The following ACSS3 variants were observed in gnomAD, a reference collection of about 807,000 sequenced individuals.
ACSS3 encodes acyl-CoA synthetase short-chain family member 3, mitochondrial.
ACSS3 carries 64 observed loss-of-function variants against 84.2 expected under a neutral mutation model. The observed-to-expected ratio is 0.76, with a 90% CI of 0.62 to 0.94. The LOEUF is 0.94. ACSS3 is among the 40% of genes least tolerant of loss of function. ACSS3 has a pLI of 0.00. For synonymous variants in ACSS3, 317 were observed against 310.1 expected, an observed-to-expected ratio of 1.02 and a Z score of -0.23; for missense variants, 815 against 867.6, an observed-to-expected ratio of 0.94 and a Z score of 0.76.
chr12:81,141,019 G>C (rs1886068125), intron 4 of ACSS3, among the ~76,000 whole-genome samples: 3 of 152,288 alleles, frequency 2.0e-5, no homozygotes, highest in African/African-American at 7.2e-5. Context: ...ATAGCCCAAA[G>C]TCACGGCTAC....
rs144302439 is a variant in ACSS3 at position 81,231,891 on chromosome 12, C to G, written c.1596+753C>G. Among the ~76,000 whole-genome samples, 220 of 150,014 alleles carry G rather than the reference C, an allele frequency of 1.5e-3. 2 individuals carry two copies. The highest frequency in any genetic ancestry group is 5.0e-3 in the African/African-American group (206 of 40,838). ...CCCCACCCCCACCGCCTAACCCCAA[C>G]AGGGACACCTGGTCCTCATTTTTCA... On this transcript the variant is annotated intron_variant, in intron 12 of 15. Transcript: ENST00000548058.
At position 81,190,527 on chromosome 12, in the gene ACSS3, G is replaced by A. The variant is rs567483524; in HGVS notation, c.1251-8814G>A. Among the ~76,000 whole-genome samples, 4 of 151,986 alleles carry A rather than the reference G, an allele frequency of 2.6e-5. No homozygotes were observed. The East Asian group carries it at 5.8e-4, about 22-fold the overall frequency. On this transcript the variant is annotated intron_variant, in intron 8 of 15. Transcript: ENST00000548058. ...AGTTTTAATGTATATATGTATGATT[G>A]TATTATGTACAGAGTCATGTAGTTT...
At chr12:81,131,053 A>G (rs1224364068) in intron 2 of ACSS3, among the ~76,000 whole-genome samples, 2 of 152,192 alleles carry the variant, frequency 1.3e-5, no homozygotes, top group Non-Finnish European at 2.9e-5. Flanking sequence ...GTTTGAAGTC[A>G]GGTAACGTGA....
At chr12:81,116,900 G>A (rs1227168790) in intron 2 of ACSS3, among the ~76,000 whole-genome samples, 3 of 152,048 alleles carry the variant, frequency 2.0e-5, no homozygotes, top group Admixed American at 6.6e-5. Context: ...TTTTTAAACA[G>A]GGTGAGAATC....
chr12:81,097,707 T>C (rs1210064298), intron 1 of ACSS3, among the ~76,000 whole-genome samples: 1 of 152,174 alleles, frequency 6.6e-6, no homozygotes, highest in Non-Finnish European at 1.5e-5. Context: ...GATGTGGTTA[T>C]TGAAAGGAGC....
At chr12:81,139,343 A>G in intron 4 of ACSS3, 78 bp downstream of exon 4, 1 of 1,503,214 alleles carries the variant, frequency 6.7e-7, no homozygotes, top group East Asian at 2.3e-5. Context: ...TTTAAAAGAG[A>G]CATTTGATTT....
chr12:81,211,555 T>C (rs531672900), intron 9 of ACSS3, among the ~76,000 whole-genome samples: 31 of 152,266 alleles, frequency 2.0e-4, no homozygotes, highest in African/African-American at 7.2e-4. Flanking sequence ...CTGTCAGTCT[T>C]GTGAATTATC....
chr12:81,174,747 C>G lies in ACSS3; in HGVS notation c.1099-41C>G, dbSNP rs1279601077. On this transcript the variant is annotated intron_variant, in intron 7 of 15. Coordinates refer to ENST00000548058, the MANE Select transcript of ACSS3 (RefSeq NM_024560.4). Reference sequence around the variant, plus strand: ...CTATTGAACTGTCAGTGAAATATGACACATTTTATCCAGTGACATTTTAAA... The same window carrying G: ...CTATTGAACTGTCAGTGAAATATGAGACATTTTATCCAGTGACATTTTAAA... 2.5e-6 allele frequency: 4 copies of G among 1,587,036 alleles called. No individual in the cohort carries two copies. In the South Asian group the frequency reaches 4.5e-5, roughly 18 times the overall value.
chr12:81,117,456 A>G (rs1884144057), intron 2 of ACSS3, among the ~76,000 whole-genome samples: 1 of 152,174 alleles, frequency 6.6e-6, no homozygotes, highest in Non-Finnish European at 1.5e-5. Context: ...ACATTTGAGC[A>G]TAGACTGAAA....
At chr12:81,185,877 T>C (rs6539562) in intron 8 of ACSS3, among the ~76,000 whole-genome samples, 96,123 of 151,522 alleles carry the variant, frequency 0.63, 31,371 homozygotes, top group Non-Finnish European at 0.72. Flanking sequence ...TGTATGAAAA[T>C]GTAAAAGACC....
intron 5 of ACSS3, chr12:81,143,599 T>C (rs150579083): frequency 6.6e-6 from 1 of 152,270 alleles, no homozygotes; most frequent in East Asian, 1.9e-4. Flanking sequence ...AATAACATTA[T>C]ATAAAAATAT....
At chr12:81,162,068 G>A (rs186764775) in intron 7 of ACSS3, among the ~76,000 whole-genome samples, 2 of 152,278 alleles carry the variant, frequency 1.3e-5, no homozygotes, top group African/African-American at 2.4e-5. Context: ...AAGCAGGGAC[G>A]GAGGCCGTGT....
intron 8 of ACSS3, among the ~76,000 whole-genome samples, chr12:81,180,177 A>T (rs1187247074): frequency 6.6e-6 from 1 of 152,216 alleles, no homozygotes; most frequent in East Asian, 1.9e-4. Flanking sequence ...TGAGCTAAAC[A>T]TTGAGTATGC....
chr12:81,132,045 A>AT (rs1212512137), intron 2 of ACSS3, among the ~76,000 whole-genome samples: 1 of 151,908 alleles, frequency 6.6e-6, no homozygotes, highest in Non-Finnish European at 1.5e-5. Flanking sequence ...TTTATTGAGG[A>AT]TTTTTGCATC....
intron 8 of ACSS3, among the ~76,000 whole-genome samples, chr12:81,190,202 A>T (rs2031493258): frequency 1.4e-5 from 2 of 145,974 alleles, no homozygotes; most frequent in South Asian, 2.2e-4. Flanking sequence ...AAACACAAAA[A>T]CATAGAGATA....
At chr12:81,102,330 A>C (rs1031411939) in intron 1 of ACSS3, among the ~76,000 whole-genome samples, 1 of 152,114 alleles carries the variant, frequency 6.6e-6, no homozygotes, top group Non-Finnish European at 1.5e-5. Context: ...ACAAGTCTTA[A>C]ATCTTGTACA....
At chr12:81,099,414 T>C (rs1220336657) in intron 1 of ACSS3, among the ~76,000 whole-genome samples, 2 of 152,200 alleles carry the variant, frequency 1.3e-5, no homozygotes, top group Non-Finnish European at 2.9e-5. Context: ...AGTGCAGAAA[T>C]CAGTGACTGA....
chr12:81,097,981 A>G (rs1882189750), intron 1 of ACSS3, among the ~76,000 whole-genome samples: 1 of 151,750 alleles, frequency 6.6e-6, no homozygotes, highest in African/African-American at 2.4e-5. Flanking sequence ...AAAAAAAAAG[A>G]ACAATTCTTG....
intron 9 of ACSS3, among the ~76,000 whole-genome samples, chr12:81,212,887 G>T (rs1265626183): frequency 6.6e-6 from 1 of 152,154 alleles, no homozygotes; most frequent in Non-Finnish European, 1.5e-5. Flanking sequence ...TGCAGGGTGA[G>T]TATAAATGTG....
Sources: allele counts gnomAD v4.1 joint callset (sites outside exome capture counted in the v4.1 genomes callset), GRCh38; gene constraint gnomAD v4.1.1; transcripts MANE v1.5; gene names NCBI Gene and HGNC (gene_info 2026-07-23, HGNC 2026-07-21).